The following GLI3 variants were observed in gnomAD, a reference collection of about 807,000 sequenced individuals.
GLI3 encodes the protein GLI family zinc finger 3, also known as transcription activator GLI3.
In GLI3, 20 loss-of-function variants were observed where a neutral mutation model predicts 100.8. The observed-to-expected ratio is 0.20, with a 90% confidence interval of 0.14 to 0.29. The LOEUF (loss-of-function observed/expected upper bound fraction) is 0.29. Among genes scored for constraint, GLI3 ranks in the 10% least tolerant of loss-of-function variants. The pLI is 1.00. For missense variants in GLI3, 2,040 were observed against 2,128.5 expected, an observed-to-expected ratio of 0.96 and a Z score of 0.82; for synonymous variants, 938 against 860.5, an observed-to-expected ratio of 1.09 and a Z score of -1.58.
intron 3 of GLI3, among the ~76,000 whole-genome samples, chr7:42,144,150 T>C (rs1015952332): frequency 6.6e-6 from 1 of 152,212 alleles, no homozygotes; most frequent in Non-Finnish European, 1.5e-5. Context: ...TTATAGAAGA[T>C]AAATGCATGG....
rs547577268 is a variant in GLI3 at position 41,999,331 on chromosome 7, AT to A, written c.1498-20584del. 1.1e-4 allele frequency among the ~76,000 whole-genome samples: 17 copies of A among 152,258 alleles called. No individual in the cohort carries two copies. The South Asian group carries it at 3.5e-3, about 32-fold the overall frequency. ...TCACAGAGCAGCGTAGTCTTGACTT[AT>A]GCAATGTGGCCTTTGGACACATCTT... is the stretch of plus-strand genomic sequence containing the variant. On this transcript the variant is annotated intron_variant, in intron 10 of 14. Coordinates refer to ENST00000395925, the MANE Select transcript of GLI3 (RefSeq NM_000168.6).
At chr7:42,257,710 T>C (rs906064544) in intron 1 of GLI3, among the ~76,000 whole-genome samples, 2 of 152,106 alleles carry the variant, frequency 1.3e-5, no homozygotes, top group Admixed American at 1.3e-4. Flanking sequence ...TTTATCAGAA[T>C]CTATAAATCT....
intron 4 of GLI3, among the ~76,000 whole-genome samples, chr7:42,071,516 T>G (rs974257439): frequency 6.6e-6 from 1 of 152,130 alleles, no homozygotes; most frequent in African/African-American, 2.4e-5. Context: ...ATATAGTGTT[T>G]TCAGTAAGCA....
In GLI3 at chr7:42,030,113, G is replaced by A. The variant is rs189112628; in HGVS notation, c.1029-3701C>T. Among the ~76,000 whole-genome samples the A allele has an allele frequency of 1.8e-4, 27 of 152,216 alleles. No homozygotes were observed. The East Asian group carries it at 4.4e-3, about 25-fold the overall frequency. ...CCGGCGGGGCTGCATTATTCCAGAC[G>A]GTCTAGGCTCCCTGCCTGTTCCATT... On this transcript the variant is annotated intron_variant, in intron 7 of 14. Coordinates refer to ENST00000395925, the MANE Select transcript of GLI3 (RefSeq NM_000168.6).
rs111575136 is a variant in GLI3 at position 42,037,015 on chromosome 7, C to A, written c.1028+3023G>T. Among the ~76,000 whole-genome samples the A allele has an allele frequency of 6.2e-4, 94 of 152,102 alleles. 1 individual carries two copies. The highest frequency in any genetic ancestry group is 2.1e-3 in the African/African-American group (87 of 41,504). On this transcript the variant is annotated intron_variant, in intron 7 of 14. Transcript: ENST00000395925. ...AAATTAGCTGGGCACAGTGGTGGGC[C>A]ACTATAATCCCAGCTATCGGGAGGC... is the stretch of plus-strand genomic sequence containing the variant.
chr7:42,035,685 CAGA>C (rs1303762079), intron 7 of GLI3, among the ~76,000 whole-genome samples: 1 of 152,206 alleles, frequency 6.6e-6, no homozygotes, highest in African/African-American at 2.4e-5. Flanking sequence ...CGGAAGACTA[CAGA>C]AGAAGGGGGT....
upstream of GLI3, among the ~76,000 whole-genome samples, chr7:42,238,801 G>C (rs983285912): frequency 1.3e-5 from 2 of 152,308 alleles, no homozygotes; most frequent in Admixed American, 1.3e-4. Flanking sequence ...GAAAGCCCCT[G>C]TGACATTCCA....
chr7:42,081,063 A>C (rs545941279), intron 3 of GLI3, among the ~76,000 whole-genome samples: 1 of 152,342 alleles, frequency 6.6e-6, no homozygotes, highest in South Asian at 2.1e-4. Context: ...CTGAAGCAGA[A>C]GGAAGTGCCA....
At chr7:42,258,581 T>C (rs900981851) in intron 1 of GLI3, among the ~76,000 whole-genome samples, 2 of 152,214 alleles carry the variant, frequency 1.3e-5, no homozygotes, top group Non-Finnish European at 2.9e-5. Flanking sequence ...AATAACAAAA[T>C]AGCATAGCCT....
chr7:42,118,313 C>T, intron 3 of GLI3: 1 of 398,650 alleles, frequency 2.5e-6, no homozygotes. Flanking sequence ...TCCTTTCTCA[C>T]TGAATTCTCC....
At chr7:42,233,683 C>T (rs1362849384) in intron 1 of GLI3, among the ~76,000 whole-genome samples, 1 of 152,172 alleles carries the variant, frequency 6.6e-6, no homozygotes, top group Non-Finnish European at 1.5e-5. Flanking sequence ...ACTGAAAATA[C>T]TTGAAAAAGT....
chr7:42,136,475 A>G (rs972739135), intron 3 of GLI3, among the ~76,000 whole-genome samples: 105 of 152,338 alleles, frequency 6.9e-4, no homozygotes, highest in African/African-American at 2.5e-3. Flanking sequence ...TGCTTGGCAC[A>G]TGGGAAATAT....
chr7:42,157,140 A>G (rs1431703760), intron 2 of GLI3, among the ~76,000 whole-genome samples: 3 of 152,210 alleles, frequency 2.0e-5, no homozygotes, highest in Non-Finnish European at 4.4e-5. Context: ...AGGCTCACCT[A>G]CACTCAATCA....
intron 2 of GLI3, among the ~76,000 whole-genome samples, chr7:42,218,466 C>T (rs565195601): frequency 6.8e-6 from 1 of 146,616 alleles, no homozygotes; most frequent in East Asian, 2.3e-4. Flanking sequence ...AAGGCAAAAA[C>T]CGCAATTACT....
At chr7:42,222,544 T>C (rs1180703892) in intron 2 of GLI3, among the ~76,000 whole-genome samples, 1 of 152,224 alleles carries the variant, frequency 6.6e-6, no homozygotes, top group East Asian at 1.9e-4. Flanking sequence ...GCTTAAACTT[T>C]AAAAACACAG....
At chr7:42,178,758 C>T (rs570016931) in intron 2 of GLI3, among the ~76,000 whole-genome samples, 6 of 152,052 alleles carry the variant, frequency 3.9e-5, no homozygotes, top group Admixed American at 1.3e-4. Flanking sequence ...GGTTACCAAG[C>T]GGCTATGGGA....
chr7:42,004,012 A>G (rs368945467), intron 10 of GLI3, among the ~76,000 whole-genome samples: 1 of 152,216 alleles, frequency 6.6e-6, no homozygotes, highest in East Asian at 1.9e-4. Flanking sequence ...ACATAGAAAT[A>G]TATCATACCA....
At chr7:42,021,938 T>C (rs1041910738) in intron 10 of GLI3, among the ~76,000 whole-genome samples, 2 of 152,240 alleles carry the variant, frequency 1.3e-5, no homozygotes, top group African/African-American at 2.4e-5. Flanking sequence ...TCCCCTTTGA[T>C]ATTCCAATGT....
At chr7:42,230,386 A>G (rs1178838354) in intron 1 of GLI3, among the ~76,000 whole-genome samples, 1 of 152,162 alleles carries the variant, frequency 6.6e-6, no homozygotes, top group Non-Finnish European at 1.5e-5. Flanking sequence ...GACATACCCA[A>G]ATGGAATTAC....
Sources: gnomAD v4.1 joint callset for allele counts (sites outside exome capture counted in the v4.1 genomes callset) on GRCh38, gnomAD v4.1.1 for gene constraint, MANE v1.5 for transcripts, NCBI Gene and HGNC (gene_info 2026-07-23, HGNC 2026-07-21) for gene names.